Variants in DENND2B observed in about 807,000 individuals in gnomAD.
DENND2B encodes the protein DENN domain-containing protein 2B.
In DENND2B, 32 loss-of-function variants were observed where a neutral mutation model predicts 116.0. The observed-to-expected ratio is 0.28, with a 90% confidence interval of 0.21 to 0.37. The LOEUF is 0.37. Among genes scored for constraint, DENND2B ranks in the 10% least tolerant of loss-of-function variants. The probability of loss-of-function intolerance (pLI) is 1.00; values close to 1 mark genes in which losing one functional copy is unlikely to be tolerated. For synonymous variants in DENND2B, 588 were observed against 583.9 expected, an observed-to-expected ratio of 1.01 and a Z score of -0.10; for missense variants, 1,276 against 1,477.7, an observed-to-expected ratio of 0.86 and a Z score of 2.24.
intron 13 of DENND2B, among the ~76,000 whole-genome samples, chr11:8,705,915 G>C (rs184339736): frequency 6.6e-6 from 1 of 152,174 alleles, no homozygotes; most frequent in Non-Finnish European, 1.5e-5. Flanking sequence ...TTTTCACTCC[G>C]ACCATTATCT....
intron 1 of DENND2B, among the ~76,000 whole-genome samples, chr11:8,760,098 G>T (rs2054337651): frequency 6.6e-6 from 1 of 152,096 alleles, no homozygotes; most frequent in Non-Finnish European, 1.5e-5. Flanking sequence ...TAAGCAAAAG[G>T]CACAGCCCCT....
At chr11:8,711,747 A>G (rs947290600) in intron 9 of DENND2B, among the ~76,000 whole-genome samples, 6 of 152,158 alleles carry the variant, frequency 3.9e-5, no homozygotes, top group African/African-American at 1.4e-4. Context: ...CATGCCTGTA[A>G]TCCCAGCTAC....
chr11:8,709,132 A>G (rs921749926), intron 11 of DENND2B, among the ~76,000 whole-genome samples: 1 of 152,192 alleles, frequency 6.6e-6, no homozygotes, highest in African/African-American at 2.4e-5. Flanking sequence ...GCAGGCTGCT[A>G]AGCAAATGCA....
At chr11:8,808,647 G>A (rs2061096396) in intron 1 of DENND2B, 1 of 152,214 alleles carries the variant, frequency 6.6e-6, no homozygotes, top group African/African-American at 2.4e-5. Context: ...ACTTTCCAGA[G>A]AGAGTTGGGT....
In DENND2B at chr11:8,729,952, G is replaced by A. The variant is rs150494705; in HGVS notation, c.1338C>T (p.Ser446=). The A allele has an allele frequency of 6.2e-7, 1 of 1,613,872 alleles. No individual in the cohort carries two copies. The highest frequency in any genetic ancestry group is 8.5e-7 in the Non-Finnish European group (1 of 1,179,938). The part of the protein sequence containing the change: ...KDMRGHRKSQ[S]RKSFEFEDAS... Reference sequence around the variant, plus strand: ...CACACCGGAGGGGCATGCATTACCTGCTCTGGGACTTGCGGTGACCACGCA... The same window carrying A: ...CACACCGGAGGGGCATGCATTACCTACTCTGGGACTTGCGGTGACCACGCA... The change falls in exon 3 of 20, where the codon AGC becomes AGT. Residue 446 remains serine, a splice_region_variant and synonymous_variant. Transcript: ENST00000313726.
chr11:8,713,671 C>T (rs1464279019), intron 8 of DENND2B, among the ~76,000 whole-genome samples: 4 of 151,864 alleles, frequency 2.6e-5, no homozygotes, highest in African/African-American at 7.3e-5. Flanking sequence ...TGAGCCACCG[C>T]GCCCGGCTGA....
chr11:8,903,403 T>A (rs1168757733), intron 1 of DENND2B, among the ~76,000 whole-genome samples: 1 of 139,752 alleles, frequency 7.2e-6, no homozygotes, highest in Non-Finnish European at 1.5e-5. Flanking sequence ...GGTGACAGAG[T>A]GAGACTGTCT....
chr11:8,733,899 G>C (rs1272729659), intron 2 of DENND2B, among the ~76,000 whole-genome samples: 1 of 152,206 alleles, frequency 6.6e-6, no homozygotes, highest in Non-Finnish European at 1.5e-5. Context: ...AAAATAGAGA[G>C]TAGACTGGCC....
Position 8,726,113 on chromosome 11 carries a change from G to T in DENND2B, c.1437C>A (p.Ser479=). 1 of 1,614,124 alleles carries T rather than the reference G, an allele frequency of 6.2e-7. No homozygotes were observed. Among genetic ancestry groups the T allele is most frequent in the Non-Finnish European group, 8.5e-7 (1 of 1,180,020 alleles). ...AGGCATTTTCTTCTAAAGTGCTTTT[G>T]GATCCAAACTTGGGTTGGTTCTCAG... ...NGTENQPKFG[S]KSTLEENAYE... The change falls in exon 4 of 20, where the codon TCC becomes TCA. Residue 479 remains serine (S), a synonymous_variant. Transcript: ENST00000313726.
chr11:8,831,068 C>T (rs545096040), intron 4 of DENND2B, among the ~76,000 whole-genome samples: 2 of 152,280 alleles, frequency 1.3e-5, no homozygotes, highest in South Asian at 4.1e-4. Context: ...TGCCAGGGCA[C>T]AGACACCAGT....
intron 2 of DENND2B, among the ~76,000 whole-genome samples, chr11:8,859,512 G>A (rs1250544062): frequency 6.6e-6 from 1 of 152,104 alleles, no homozygotes; most frequent in African/African-American, 2.4e-5. Context: ...GTTTCACCAT[G>A]TTAGCCAGGA....
At chr11:8,723,482 G>A (rs1233163625) in intron 4 of DENND2B, among the ~76,000 whole-genome samples, 1 of 152,186 alleles carries the variant, frequency 6.6e-6, no homozygotes, top group Non-Finnish European at 1.5e-5. Context: ...TCAGGTTTGA[G>A]AGAAGGGAAA....
intron 1 of DENND2B, among the ~76,000 whole-genome samples, chr11:8,789,775 CAAAAAAT>C (rs759132758): frequency 4.6e-5 from 7 of 151,392 alleles, no homozygotes; most frequent in Non-Finnish European, 8.8e-5. Context: ...CCCATCTCTA[CAAAAAAT>C]AAAAAAATAA....
chr11:8,793,934 T>C (rs2059598973), intron 1 of DENND2B, among the ~76,000 whole-genome samples: 1 of 152,168 alleles, frequency 6.6e-6, no homozygotes, highest in Admixed American at 6.5e-5. Context: ...TAAAAATGCA[T>C]CATTTAAAGA....
At chr11:8,805,742 G>C (rs757392122) in intron 1 of DENND2B, among the ~76,000 whole-genome samples, 1 of 152,184 alleles carries the variant, frequency 6.6e-6, no homozygotes, top group Non-Finnish European at 1.5e-5. Context: ...CAGAGTGGGG[G>C]AGAGAGGGGA....
intron 2 of DENND2B, among the ~76,000 whole-genome samples, chr11:8,748,189 TG>T (rs2051643408): frequency 6.6e-6 from 1 of 152,158 alleles, no homozygotes; most frequent in African/African-American, 2.4e-5. Flanking sequence ...ACTAAAGCTC[TG>T]GTCACACCGA....
chr11:8,899,732 T>C (rs1014154904), intron 1 of DENND2B, among the ~76,000 whole-genome samples: 1 of 152,216 alleles, frequency 6.6e-6, no homozygotes, highest in Non-Finnish European at 1.5e-5. Flanking sequence ...GAAAGTGATT[T>C]TAGAGTTACT....
intron 8 of DENND2B, among the ~76,000 whole-genome samples, chr11:8,713,324 C>T (rs553621259): frequency 6.6e-6 from 1 of 152,268 alleles, no homozygotes; most frequent in East Asian, 1.9e-4. Context: ...GTCTACGGCA[C>T]ATTTCTTGCC....
At chr11:8,883,673 G>A (rs953343999) in intron 1 of DENND2B, among the ~76,000 whole-genome samples, 1 of 152,130 alleles carries the variant, frequency 6.6e-6, no homozygotes, top group African/African-American at 2.4e-5. Flanking sequence ...ATTGCTTACA[G>A]ACCAGCTTGT....
Sources: gnomAD v4.1 joint callset for allele counts (sites outside exome capture counted in the v4.1 genomes callset) on GRCh38, gnomAD v4.1.1 for gene constraint, MANE v1.5 for transcripts, NCBI Gene and HGNC (gene_info 2026-07-23, HGNC 2026-07-21) for gene names.